The following NUFIP2 variants were observed in gnomAD, a reference collection of about 807,000 sequenced individuals.
NUFIP2 encodes nuclear FMR1 interacting protein 2.
A neutral mutation model predicts 56.9 loss-of-function variants in NUFIP2; 6 were observed. The observed-to-expected ratio is 0.11, with a 90% CI of 0.06 to 0.21. NUFIP2 has a LOEUF of 0.21. Ranked by LOEUF, NUFIP2 falls within the 10% of genes least tolerant of loss-of-function variation. NUFIP2 has a pLI of 1.00. For missense variants in NUFIP2, 828 were observed against 826.8 expected (o/e 1.00, Z -0.02); for synonymous variants, 321 against 298.2 (o/e 1.08, Z -0.79).
At chr17:29,271,320 C>T (rs922008400) in intron 2 of NUFIP2, among the ~76,000 whole-genome samples, 1 of 151,894 alleles carries the variant, frequency 6.6e-6, no homozygotes, top group Non-Finnish European at 1.5e-5. Context: ...AGGTGGATCA[C>T]GAGGTAAGGA....
rs1434789208 is a variant in NUFIP2 at position 29,260,968 on chromosome 17, A to C, written c.*3571T>G. 6.6e-6 allele frequency: 1 copy of C among 152,184 alleles called. No individual in the cohort carries two copies. Among genetic ancestry groups the C allele is most frequent in the Non-Finnish European group, 1.5e-5 (1 of 68,014 alleles). The allele number at this position is 152,184 out of a possible 1,614,324, so 9.4% of individuals were successfully genotyped here. A position where few individuals can be genotyped will look rare whatever the true frequency, so the allele number is the denominator to read the frequency against. On this transcript the variant is annotated 3_prime_UTR_variant, in exon 4 of 4. Transcript: ENST00000225388. The stretch of plus-strand genomic sequence containing the variant: ...GGGCTGGCTACCACAGACGCTGTAA[A>C]TACACTTTATGTGAAGGTTCATTAC...
intron 2 of NUFIP2, among the ~76,000 whole-genome samples, chr17:29,282,867 A>T (rs1176123990): frequency 1.8e-5 from 2 of 112,886 alleles, no homozygotes; most frequent in African/African-American, 7.0e-5. Flanking sequence ...AGTTAACTTT[A>T]AAAAAAAAAG....
At chr17:29,289,861 T>A (rs1458917922) in intron 1 of NUFIP2, among the ~76,000 whole-genome samples, 1 of 152,178 alleles carries the variant, frequency 6.6e-6, no homozygotes, top group Non-Finnish European at 1.5e-5. Flanking sequence ...ACTCAAGGCA[T>A]AATCATTCCT....
chr17:29,282,236 C>A (rs1047670602), intron 2 of NUFIP2, among the ~76,000 whole-genome samples: 3 of 152,016 alleles, frequency 2.0e-5, no homozygotes, highest in African/African-American at 7.3e-5. Flanking sequence ...CTTGGACTTC[C>A]CAGCCGCCAA....
At chr17:29,272,401 C>T (rs1598431262) in intron 2 of NUFIP2, among the ~76,000 whole-genome samples, 2 of 152,008 alleles carry the variant, frequency 1.3e-5, no homozygotes, top group Admixed American at 6.5e-5. Flanking sequence ...CCACCAAGCC[C>T]GGCTAATTTC....
chr17:29,292,132 G>A (rs151259541), intron 1 of NUFIP2, among the ~76,000 whole-genome samples: 303 of 152,118 alleles, frequency 2.0e-3, no homozygotes, highest in Non-Finnish European at 3.1e-3. Context: ...TCAATTTCTC[G>A]TTTATTAAGA....
chr17:29,259,834 T>C lies in NUFIP2; in HGVS notation c.*4705A>G, dbSNP rs1027229421. 6.6e-6 allele frequency: 1 copy of C among 152,198 alleles called. No homozygotes were observed. Among genetic ancestry groups the C allele is most frequent in the African/African-American group, 2.4e-5 (1 of 41,446 alleles). 9.4% of individuals were successfully genotyped at this position (152,198 alleles called of 1,614,324 possible). On this transcript the variant is annotated 3_prime_UTR_variant, in exon 4 of 4. Transcript: ENST00000225388. Reference sequence around the variant, plus strand: ...AATTCTATTCGCACTATTGCTGGCATCCTTTAACTACTTTAAGACCTTTCT... The same window carrying C: ...AATTCTATTCGCACTATTGCTGGCACCCTTTAACTACTTTAAGACCTTTCT...
At position 29,264,525 on chromosome 17, in the gene NUFIP2, G is replaced by C. The variant is rs762259195; in HGVS notation, c.*14C>G. ...TAATGCTGCAGAAAGGTTACGAATA[G>C]GCAGTCTGGTCCTTCATTGATCTGG... On this transcript the variant is annotated 3_prime_UTR_variant, in exon 4 of 4. Transcript: ENST00000225388. 6.3e-7 allele frequency: 1 copy of C among 1,594,050 alleles called. No homozygotes were observed.
At position 29,262,140 on chromosome 17, in the gene NUFIP2, C is replaced by G. The variant is rs1441970122; in HGVS notation, c.*2399G>C. The G allele has an allele frequency of 6.6e-6, 1 of 152,358 alleles. No individual in the cohort carries two copies. Among genetic ancestry groups the G allele is most frequent in the East Asian group, 1.9e-4 (1 of 5,194 alleles). The allele number at this position is 152,358 out of a possible 1,614,324, so 9.4% of individuals were successfully genotyped here. A position where few individuals can be genotyped will look rare whatever the true frequency, so the allele number is the denominator to read the frequency against. On this transcript the variant is annotated 3_prime_UTR_variant, in exon 4 of 4. Coordinates refer to ENST00000225388, the MANE Select transcript of NUFIP2 (RefSeq NM_020772.3). ...TTGTTTTTTCCTTTTCAAATATATA[C>G]TCAATTCAACCTCTGTATGTCACAA...
intron 2 of NUFIP2, among the ~76,000 whole-genome samples, chr17:29,272,104 GGGAGA>G (rs2069077647): frequency 7.0e-6 from 1 of 142,026 alleles, no homozygotes; most frequent in Non-Finnish European, 1.5e-5. Context: ...GGGAGGGGAG[GGGAGA>G]AGAGAAGAGA....
intron 2 of NUFIP2, among the ~76,000 whole-genome samples, chr17:29,284,858 CTG>C (rs1157780644): frequency 1.3e-5 from 2 of 152,062 alleles, no homozygotes; most frequent in African/African-American, 2.4e-5. Context: ...ATACTTGACA[CTG>C]TGATTTGTCT....
Position 29,257,413 on chromosome 17 carries a change from T to C in NUFIP2, c.*7126A>G, listed in dbSNP as rs1195254942. 6.6e-6 allele frequency: 1 copy of C among 152,188 alleles called. No homozygotes were observed. Among genetic ancestry groups the C allele is most frequent in the Non-Finnish European group, 1.5e-5 (1 of 68,016 alleles). 9.4% of individuals were successfully genotyped at this position (152,188 alleles called of 1,614,324 possible). ...TCACGGAGCTTCGGCAAAATTCGAG[T>C]GTGCAAAATGCATTTCTAAAACGTA... On this transcript the variant is annotated 3_prime_UTR_variant, in exon 4 of 4. Transcript: ENST00000225388.
intron 2 of NUFIP2, among the ~76,000 whole-genome samples, chr17:29,281,532 A>G (rs77686237): frequency 6.6e-6 from 1 of 151,440 alleles, no homozygotes; most frequent in Non-Finnish European, 1.5e-5. Context: ...ATATTATATA[A>G]AAAGCTAAAA....
At chr17:29,269,103 G>A (rs1327475902) in intron 2 of NUFIP2, among the ~76,000 whole-genome samples, 1 of 152,118 alleles carries the variant, frequency 6.6e-6, no homozygotes, top group African/African-American at 2.4e-5. Flanking sequence ...ATTGGACCTT[G>A]AAAGGAAATA....
intron 1 of NUFIP2, among the ~76,000 whole-genome samples, chr17:29,293,253 G>T (rs2069229612): frequency 6.6e-6 from 1 of 151,506 alleles, no homozygotes; most frequent in African/African-American, 2.4e-5. Context: ...ACCGAGACGG[G>T]GAGCCCCAAG....
At position 29,287,646 on chromosome 17, in the gene NUFIP2, G is replaced by T. The variant is rs1235965150; in HGVS notation, c.348C>A (p.Ala116=). The T allele has an allele frequency of 1.2e-6, 2 of 1,613,636 alleles. No individual in the cohort carries two copies. Among genetic ancestry groups the T allele is most frequent in the Admixed American group, 3.3e-5 (2 of 59,908 alleles). The change falls in exon 2 of 4, where the codon GCC becomes GCA. Residue 116 remains alanine (A), a synonymous_variant. Coordinates refer to ENST00000225388, the MANE Select transcript of NUFIP2 (RefSeq NM_020772.3). ...ISLKNLSSDE[A]TNPISRVLNG... Reference sequence around the variant, plus strand: ...TGAGGACCCTGGAAATAGGGTTGGTGGCTTCATCAGAACTCAGGTTCTTTA... The same window carrying T: ...TGAGGACCCTGGAAATAGGGTTGGTTGCTTCATCAGAACTCAGGTTCTTTA...
At position 29,265,582 on chromosome 17, in the gene NUFIP2, G is replaced by A. The variant is rs1314092668; in HGVS notation, c.2036-991C>T. Among the ~76,000 whole-genome samples the A allele has an allele frequency of 4.7e-5, 7 of 148,000 alleles. No homozygotes were observed. In the South Asian group the frequency reaches 6.3e-4, roughly 13 times the overall value. Reference sequence around the variant, plus strand: ...CTCCCAAAGTGCTGGGATTACAGGCGTGAGCCACCGCGCCCGGCCAGGGAA... The same window carrying A: ...CTCCCAAAGTGCTGGGATTACAGGCATGAGCCACCGCGCCCGGCCAGGGAA... On this transcript the variant is annotated intron_variant, in intron 3 of 3. Coordinates refer to ENST00000225388, the MANE Select transcript of NUFIP2 (RefSeq NM_020772.3).
At chr17:29,274,421 T>C (rs1338942811) in intron 2 of NUFIP2, among the ~76,000 whole-genome samples, 1 of 152,182 alleles carries the variant, frequency 6.6e-6, no homozygotes, top group Non-Finnish European at 1.5e-5. Context: ...GGCAATGAGC[T>C]ATAATCATGC....
chr17:29,292,774 CCCCTCGTGGCCGCTT>C (rs1348804960), intron 1 of NUFIP2, among the ~76,000 whole-genome samples: 20 of 149,600 alleles, frequency 1.3e-4, no homozygotes, highest in African/African-American at 2.9e-4. Context: ...GCAGGCCGCT[CCCCTCGTGGCCGCTT>C]CCCTCCCCCA....
Sources: allele counts gnomAD v4.1 joint callset (sites outside exome capture counted in the v4.1 genomes callset), GRCh38; gene constraint gnomAD v4.1.1; transcripts MANE v1.5; gene names NCBI Gene and HGNC (gene_info 2026-07-23, HGNC 2026-07-21).